The following PRKD2 variants were observed in gnomAD, a reference collection of about 807,000 sequenced individuals.
PRKD2 encodes protein kinase D2.
A neutral mutation model predicts 86.0 loss-of-function variants in PRKD2; 22 were observed. That is an observed-to-expected ratio of 0.26 (90% CI 0.18 to 0.37). The LOEUF (loss-of-function observed/expected upper bound fraction) is 0.37, where lower values mean the gene tolerates loss of function less well. Ranked by LOEUF, PRKD2 falls within the 10% of genes least tolerant of loss-of-function variation. The pLI is 1.00. For missense variants in PRKD2, 818 were observed against 1,199.2 expected (o/e 0.68, Z 4.70); for synonymous variants, 509 against 510.9 (o/e 1.00, Z 0.05).
At chr19:46,714,170 A>C in intron 1 of PRKD2, 169 bp from the exon 2 acceptor site, 1 of 1,335,022 alleles carries the variant, frequency 7.5e-7, no homozygotes, top group Non-Finnish European at 9.6e-7. Context: ...CGAGCCGGGC[A>C]GGATGCCAGC....
chr19:46,697,943 TG>T, intron 7 of PRKD2, 93 bp from the exon 8 acceptor site: 1 of 985,960 alleles, frequency 1.0e-6, no homozygotes, highest in South Asian at 1.4e-5. Flanking sequence ...ACTAGGGAGT[TG>T]GGGACTGTTT....
Position 46,713,864 on chromosome 19 carries a change from C to T in PRKD2, c.378G>A (p.Ser126=), listed in dbSNP as rs891957632. The T allele has an allele frequency of 7.5e-6, 12 of 1,594,838 alleles. No individual in the cohort carries two copies. The East Asian group carries it at 1.1e-4, about 15-fold the overall frequency. The change falls in exon 2 of 18, where the codon TCG becomes TCA. Residue 126 remains serine (S), a splice_region_variant and synonymous_variant. Transcript: ENST00000291281. ...CCCAGGCCGGCCACCACCTCTCACCCGACAGCACCACCTCCACCAGGTCGC... is the reference window on the plus strand; with the variant it reads ...CCCAGGCCGGCCACCACCTCTCACCTGACAGCACCACCTCCACCAGGTCGC... The part of the protein sequence containing the change: ...QEGDLVEVVL[S]ASATFEDFQI...
intron 2 of PRKD2, among the ~76,000 whole-genome samples, chr19:46,711,787 G>A (rs542602344): frequency 2.6e-5 from 4 of 152,222 alleles, no homozygotes; most frequent in Admixed American, 2.0e-4. Context: ...ACATGGATAG[G>A]CGGTGCCCGG....
chr19:46,680,364 C>T (rs1346285208), intron 15 of PRKD2, among the ~76,000 whole-genome samples: 2 of 150,654 alleles, frequency 1.3e-5, no homozygotes, highest in South Asian at 2.1e-4. Context: ...CTCGGCTCAC[C>T]GCAACCTCCA....
At chr19:46,711,186 C>T in intron 2 of PRKD2, 148 bp from the exon 3 acceptor site, 2 of 1,219,890 alleles carry the variant, frequency 1.6e-6, no homozygotes, top group Non-Finnish European at 2.3e-6. Flanking sequence ...TACATTCTGC[C>T]TGGGTTCAAA....
intron 7 of PRKD2, among the ~76,000 whole-genome samples, chr19:46,699,438 G>A (rs916923237): frequency 6.6e-6 from 1 of 152,204 alleles, no homozygotes; most frequent in Admixed American, 6.5e-5. Context: ...CTTGAACACA[G>A]CAGGTGCTCA....
At position 46,693,380 on chromosome 19, in the gene PRKD2, G is replaced by A. The variant is rs2053510014; in HGVS notation, c.1576+495C>T. 6.6e-6 allele frequency among the ~76,000 whole-genome samples: 1 copy of A among 152,236 alleles called. No individual in the cohort carries two copies. Among genetic ancestry groups the A allele is most frequent in the Admixed American group, 6.5e-5 (1 of 15,284 alleles). On this transcript the variant is annotated intron_variant, in intron 10 of 17. Coordinates refer to ENST00000291281, the MANE Select transcript of PRKD2 (RefSeq NM_016457.5). This position sits in a 1 kb window ranked among gnomAD's most constrained non-coding sequence, Gnocchi z 4.5. Reference sequence around the variant, plus strand: ...CTGGGACAAGGCTCATGGAGGGGAAGTGATATGCCCAGGGCCACATATCAG... The same window carrying A: ...CTGGGACAAGGCTCATGGAGGGGAAATGATATGCCCAGGGCCACATATCAG...
At chr19:46,685,085 C>T (rs1016525951) in intron 14 of PRKD2, among the ~76,000 whole-genome samples, 1 of 151,620 alleles carries the variant, frequency 6.6e-6, no homozygotes, top group Non-Finnish European at 1.5e-5. Context: ...ATAGTGAAAC[C>T]CCGTCTCTAC....
Position 46,697,216 on chromosome 19 carries a change from G to A in PRKD2, c.1258C>T (p.Arg420Cys), listed in dbSNP as rs1170175592. 2.0e-5 allele frequency: 32 copies of A among 1,594,180 alleles called. No homozygotes were observed. The highest frequency in any genetic ancestry group is 2.7e-5 in the Non-Finnish European group (31 of 1,162,334). ...AGCGTGATACACTTGCAGTCCAGGC[G>A]CCAATAGTGCCGCTTTCTCTGCAGA... ...KDTLRKRHYW[R>C]LDCKCITLFQ... The change falls in exon 9 of 18, where the codon CGC (arginine) becomes TGC (cysteine). Residue 420 changes from arginine to cysteine, a missense_variant. Arg to Cys is a radical substitution (Grantham distance 180). Coordinates refer to ENST00000291281, the MANE Select transcript of PRKD2 (RefSeq NM_016457.5).
At chr19:46,681,255 C>A (rs1235012393) in intron 15 of PRKD2, among the ~76,000 whole-genome samples, 1 of 133,106 alleles carries the variant, frequency 7.5e-6, no homozygotes, top group Non-Finnish European at 1.6e-5. Context: ...CGCACCCAGT[C>A]TTTTTTTTTT....
chr19:46,704,774 TCTC>T, intron 3 of PRKD2, 125 bp from the exon 4 acceptor site: 1 of 1,267,148 alleles, frequency 7.9e-7, no homozygotes, highest in South Asian at 1.5e-5. Context: ...GCCAGCACGA[TCTC>T]CTCCAAAAGG....
chr19:46,691,060 CA>C (rs1413970445), intron 12 of PRKD2, among the ~76,000 whole-genome samples: 1 of 152,092 alleles, frequency 6.6e-6, no homozygotes, highest in Non-Finnish European at 1.5e-5. Context: ...CCATATTATA[CA>C]GAGAAGGAAA....
At chr19:46,704,712 AGTT>A in intron 3 of PRKD2, 63 bp from the exon 4 acceptor site, 2 of 1,526,990 alleles carry the variant, frequency 1.3e-6, no homozygotes, top group Non-Finnish European at 1.8e-6. Context: ...CTTCTTGAGA[AGTT>A]GTGCCCTTTC....
chr19:46,676,305 G>A (rs945987456), intron 16 of PRKD2, among the ~76,000 whole-genome samples: 1 of 152,122 alleles, frequency 6.6e-6, no homozygotes, highest in Non-Finnish European at 1.5e-5. Context: ...GCGCATGCCT[G>A]TAGTCCCAGC....
At chr19:46,714,212 T>G in intron 1 of PRKD2, 1 of 1,316,034 alleles carries the variant, frequency 7.6e-7, no homozygotes, top group Non-Finnish European at 9.7e-7. Context: ...GGCGCCGGCG[T>G]GGGTTTGGTG....
intron 15 of PRKD2, among the ~76,000 whole-genome samples, chr19:46,681,248 A>G (rs910867052): frequency 5.1e-5 from 7 of 136,228 alleles, no homozygotes; most frequent in Admixed American, 1.5e-4. Context: ...GAGCCACCGC[A>G]CCCAGTCTTT....
In PRKD2 at chr19:46,701,138, G is replaced by C. The variant is rs373016535; in HGVS notation, c.890-26C>G. 3.1e-6 allele frequency: 5 copies of C among 1,606,688 alleles called. No homozygotes were observed. The South Asian group carries it at 4.4e-5, about 14-fold the overall frequency. Reference sequence around the variant, plus strand: ...CTGGTAGGACAGGGAACAAGGGAACGGGTGAGAAGGGGAAGAGAGGTTACC... The same window carrying C: ...CTGGTAGGACAGGGAACAAGGGAACCGGTGAGAAGGGGAAGAGAGGTTACC... On this transcript the variant is annotated intron_variant, in intron 5 of 17. Coordinates refer to ENST00000291281, the MANE Select transcript of PRKD2 (RefSeq NM_016457.5).
intron 16 of PRKD2, among the ~76,000 whole-genome samples, chr19:46,677,957 C>G (rs187220795): frequency 6.6e-6 from 1 of 152,182 alleles, no homozygotes; most frequent in Non-Finnish European, 1.5e-5. Context: ...CCCTACCCAC[C>G]GGTGCCTCCT....
intron 9 of PRKD2, among the ~76,000 whole-genome samples, chr19:46,695,806 C>T (rs954140541): frequency 9.2e-5 from 14 of 151,890 alleles, no homozygotes; most frequent in Admixed American, 4.6e-4. Flanking sequence ...ATGGACACGT[C>T]GGGGGGGCAT....
Sources: allele counts gnomAD v4.1 joint callset (sites outside exome capture counted in the v4.1 genomes callset), GRCh38; gene constraint gnomAD v4.1.1; non-coding constraint Gnocchi (gnomAD v3.1); transcripts MANE v1.5; gene names NCBI Gene and HGNC (gene_info 2026-07-23, HGNC 2026-07-21).